Variants in FGF13 observed in about 807,000 individuals in gnomAD.
FGF13 encodes the protein fibroblast growth factor 13.
In FGF13, 2 loss-of-function variants were observed where a neutral mutation model predicts 19.5. The ratio of observed to expected loss-of-function variants is 0.10; its 90% CI spans 0.04 to 0.32. FGF13 has a LOEUF of 0.32. FGF13 is among the 10% of genes least tolerant of loss of function. The pLI, the probability that FGF13 is intolerant of heterozygous loss-of-function variation, is 1.00. For missense variants in FGF13, 113 were observed against 192.7 expected (o/e 0.59, Z 2.45); for synonymous variants, 72 against 76.9 (o/e 0.94, Z 0.33).
At chrX:138,832,952 G>C (rs1379367614) in intron 3 of FGF13, among the ~76,000 whole-genome samples, 2 of 111,769 alleles carry the variant, frequency 1.8e-5, no homozygotes, top group African/African-American at 6.5e-5. Flanking sequence ...AGTCAGGTTT[G>C]TCAATGATCA....
intron 3 of FGF13, among the ~76,000 whole-genome samples, chrX:138,842,922 C>T (rs1213091466): frequency 8.9e-6 from 1 of 111,876 alleles, no homozygotes; most frequent in East Asian, 2.8e-4. Context: ...TGAAAAGAAT[C>T]ACTAACAGAT....
chrX:139,099,377 CAA>C (rs59882808), intron 1 of FGF13, among the ~76,000 whole-genome samples: 4 of 32,959 alleles, frequency 1.2e-4, no homozygotes, highest in East Asian at 9.0e-4. Context: ...GTTTCTATCT[CAA>C]AAAAAAAAAA....
intron 1 of FGF13, among the ~76,000 whole-genome samples, chrX:139,144,730 C>T (rs2083873692): frequency 1.8e-5 from 2 of 110,742 alleles, no homozygotes; most frequent in Non-Finnish European, 3.8e-5. Flanking sequence ...TCAAGCTTTT[C>T]GATCTCAGAA....
intron 1 of FGF13, among the ~76,000 whole-genome samples, chrX:138,955,920 C>T (rs1047651953): frequency 8.9e-6 from 1 of 111,979 alleles, no homozygotes; most frequent in Non-Finnish European, 1.9e-5. Flanking sequence ...ATGTCCTCAT[C>T]CTGCACCAAT....
chrX:139,044,593 C>A (rs761019285), intron 1 of FGF13, among the ~76,000 whole-genome samples: 24 of 111,334 alleles, frequency 2.2e-4, no homozygotes, highest in Non-Finnish European at 3.0e-4. Flanking sequence ...ATGTCTTTCT[C>A]ACATTGCAAA....
At chrX:139,166,567 G>A (rs983502976) in intron 1 of FGF13, among the ~76,000 whole-genome samples, 7 of 110,951 alleles carry the variant, frequency 6.3e-5, no homozygotes, top group African/African-American at 2.3e-4. Flanking sequence ...CATGATTTGG[G>A]GGTATCCAGG....
At chrX:138,886,200 GT>G (rs2091450999) in intron 1 of FGF13, among the ~76,000 whole-genome samples, 1 of 111,711 alleles carries the variant, frequency 9.0e-6, no homozygotes, top group Admixed American at 9.5e-5. Flanking sequence ...TGGAATGAAG[GT>G]GCGTTCTACA....
intron 1 of FGF13, among the ~76,000 whole-genome samples, chrX:139,004,240 C>T (rs1327392851): frequency 2.7e-5 from 3 of 112,763 alleles, no homozygotes; most frequent in Non-Finnish European, 5.6e-5. Context: ...CTGGGGGACC[C>T]AGTACACCCT....
intron 1 of FGF13, among the ~76,000 whole-genome samples, chrX:139,044,169 T>C (rs1301193081): frequency 8.9e-6 from 1 of 112,215 alleles, no homozygotes; most frequent in African/African-American, 3.3e-5. Context: ...CATTTTTGCA[T>C]TGCTATAAAT....
At chrX:138,735,174 C>G (rs1349775796) in intron 1 of FGF13, among the ~76,000 whole-genome samples, 1 of 112,080 alleles carries the variant, frequency 8.9e-6, no homozygotes, top group African/African-American at 3.2e-5. Context: ...TCTCATTCAG[C>G]TATGCAGTTA....
At position 138,632,951 on chromosome X, in the gene FGF13, T is replaced by C; in HGVS notation, c.637A>G (p.Thr213Ala). Residue 213 changes from threonine (T) to alanine (A), a missense_variant, in exon 5 of 5, where the codon ACG becomes GCG. Physicochemically the swap from Thr to Ala is moderately conservative, Grantham distance 58. Transcript: ENST00000315930. ...MYKEPSLHDL[T>A]EFSRSGSGTP... ...CCGCTTCCAGATCGGGAGAACTCCG[T>C]GAGATCGTGCAGTGATGGCTCCTTG... 1 of 1,209,299 alleles carries C rather than the reference T, an allele frequency of 8.3e-7. No individual in the cohort carries two copies. The highest frequency in any genetic ancestry group is 1.1e-6 in the Non-Finnish European group (1 of 893,965).
rs185224096 is a variant in FGF13, at chrX:138,617,263, C to T, written c.*15587G>A. On this transcript the variant is annotated 3_prime_UTR_variant, in exon 5 of 5. Transcript: ENST00000315930. ...ATATAGAAATATTAAACTCTACTTC[C>T]TGATATGCATGATAAAGGGTTTAAA... 6.3e-5 allele frequency: 7 copies of T among 111,616 alleles called. No homozygotes were observed. Among genetic ancestry groups the T allele is most frequent in the African/African-American group, 2.3e-4 (7 of 30,788 alleles). The allele number at this position is 111,616 out of a possible 1,213,427, so 9.2% of individuals were successfully genotyped here. A position where few individuals can be genotyped will look rare whatever the true frequency, so the allele number is the denominator to read the frequency against.
intron 1 of FGF13, among the ~76,000 whole-genome samples, chrX:138,999,445 A>G (rs2092061857): frequency 9.0e-6 from 1 of 111,447 alleles, no homozygotes; most frequent in Non-Finnish European, 1.9e-5. Flanking sequence ...CTAGCTATAC[A>G]AATAAAGAAG....
At chrX:138,675,629 T>C (rs1439592113) in intron 3 of FGF13, among the ~76,000 whole-genome samples, 1 of 111,545 alleles carries the variant, frequency 9.0e-6, no homozygotes, top group African/African-American at 3.3e-5. Flanking sequence ...ATTTATTCTA[T>C]TTTGATTTAT....
In FGF13 at chrX:138,837,154, TG is replaced by T. The variant is rs201506134; in HGVS notation, c.217+20357del. On this transcript the variant is annotated intron_variant, in intron 3 of 6. Coordinates refer to the FGF13 transcript ENST00000436198. ...CTTGCCCAGTTAGGAGGAATGAGATTGGGGGCATGCTTTAAAAAGTAGCCTG... is the reference window on the plus strand; with the variant it reads ...CTTGCCCAGTTAGGAGGAATGAGATTGGGGCATGCTTTAAAAAGTAGCCTG... Among the ~76,000 whole-genome samples the T allele has an allele frequency of 9.6e-3, 1,077 of 112,442 alleles. 11 individuals are homozygous for T. The highest frequency in any genetic ancestry group is 0.033 in the African/African-American group (1,014 of 30,946).
At position 138,969,957 on chromosome X, in the gene FGF13, T is replaced by C. The variant is rs144387654; in HGVS notation, c.-112-105307A>G. 8.1e-4 allele frequency among the ~76,000 whole-genome samples: 90 copies of C among 111,719 alleles called. 1 individual carries two copies. The highest frequency in any genetic ancestry group is 1.5e-3 in the Non-Finnish European group (77 of 53,097). On this transcript the variant is annotated intron_variant, in intron 1 of 2. Coordinates refer to the FGF13 transcript ENST00000421460. The stretch of plus-strand genomic sequence containing the variant: ...CTAAAATAAGTGAAGCTATAGAGAA[T>C]TGAGTGTGCGTGTCTGTGTGTGTGC...
intron 1 of FGF13, among the ~76,000 whole-genome samples, chrX:138,927,640 T>C (rs2091680890): frequency 8.9e-6 from 1 of 112,178 alleles, no homozygotes; most frequent in Non-Finnish European, 1.9e-5. Context: ...CCTTCTCCTT[T>C]GACTATGATT....
chrX:138,646,833 T>A (rs1173797744), intron 3 of FGF13, among the ~76,000 whole-genome samples: 1 of 111,577 alleles, frequency 9.0e-6, no homozygotes, highest in African/African-American at 3.3e-5. Flanking sequence ...CTCACATGCA[T>A]ACATACATGA....
At chrX:138,972,255 AT>A (rs34661318) in intron 1 of FGF13, among the ~76,000 whole-genome samples, 22 of 96,978 alleles carry the variant, frequency 2.3e-4, no homozygotes, top group East Asian at 9.9e-4. Context: ...TGGTAGTTCT[AT>A]TTTTTTTTTT....
Sources: allele counts gnomAD v4.1 joint callset (sites outside exome capture counted in the v4.1 genomes callset), GRCh38; gene constraint gnomAD v4.1.1; transcripts MANE v1.5; gene names NCBI Gene and HGNC (gene_info 2026-07-23, HGNC 2026-07-21).